CDH23: variants seen among roughly 807,000 people sequenced by gnomAD.
CDH23 encodes the protein cadherin related 23, also known as cadherin-23.
Under a neutral mutation model 317.1 loss-of-function variants are expected in CDH23, and 189 were observed. The ratio of observed to expected loss-of-function variants is 0.60; its 90% confidence interval spans 0.53 to 0.67. CDH23 has a LOEUF of 0.67. Among genes scored for constraint, CDH23 ranks in the 30% least tolerant of loss-of-function variants. CDH23 has a pLI of 0.00. For synonymous variants in CDH23, 1,839 were observed against 1,876.8 expected (o/e 0.98, Z 0.52); for missense variants, 4,401 against 4,592.4 (o/e 0.96, Z 1.20).
At chr10:71,733,424 G>A (rs1363774493) in intron 32 of CDH23, among the ~76,000 whole-genome samples, 3 of 152,188 alleles carry the variant, frequency 2.0e-5, no homozygotes, top group Admixed American at 6.5e-5. Flanking sequence ...AGTAAAGGGT[G>A]TAGAGGCAGG....
chr10:71,753,018 C>T, intron 38 of CDH23: 1 of 1,611,986 alleles, frequency 6.2e-7, no homozygotes. Flanking sequence ...GACAGACAGA[C>T]AGAGAAGCTG....
chr10:71,723,928 C>A, intron 28 of CDH23, 117 bp from the exon 29 acceptor site: 1 of 1,168,454 alleles, frequency 8.6e-7, no homozygotes, highest in Non-Finnish European at 1.2e-6. Context: ...TGAGGGAGAC[C>A]ACAGGTTTTG....
At position 71,751,258 on chromosome 10, in the gene CDH23, T is replaced by C. The variant is rs150502804; in HGVS notation, c.4845+9337T>C. The C allele has an allele frequency of 4.3e-6, 7 of 1,609,674 alleles. No homozygotes were observed. In the African/African-American group the frequency reaches 9.4e-5, roughly 22 times the overall value. ...CCCACTGTCCCCCAGCTGGGCTAGA[T>C]GACCTCAAAGTTTGGAGAGTCAGGG... On this transcript the variant is annotated intron_variant, in intron 38 of 69. Coordinates refer to ENST00000224721, the MANE Select transcript of CDH23 (RefSeq NM_022124.6). The surrounding 1 kb of genome is among the most constrained non-coding windows in gnomAD (Gnocchi z 4.9).
chr10:71,576,462 G>A (rs1858205925), intron 8 of CDH23, among the ~76,000 whole-genome samples: 1 of 152,138 alleles, frequency 6.6e-6, no homozygotes, highest in South Asian at 2.1e-4. Flanking sequence ...AAGAGCGCAG[G>A]GCATGCGTGT....
rs539814537 is a variant in CDH23 at position 71,674,526 on chromosome 10, A to C, written c.1450-586A>C. ...GGGCAGTGGTCTGGGAAGAGAGCAGAGGTCACATCTAGACCTCTGCATGGA... is the reference window on the plus strand; with the variant it reads ...GGGCAGTGGTCTGGGAAGAGAGCAGCGGTCACATCTAGACCTCTGCATGGA... On this transcript the variant is annotated intron_variant, in intron 14 of 69. Transcript: ENST00000224721. Among the ~76,000 whole-genome samples the C allele has an allele frequency of 4.0e-3, 614 of 152,318 alleles. 13 individuals carry two copies. The highest frequency in any genetic ancestry group is 2.1e-3 in the South Asian group (10 of 4,814).
At chr10:71,687,292 G>A (rs1172335898) in intron 18 of CDH23, among the ~76,000 whole-genome samples, 2 of 152,196 alleles carry the variant, frequency 1.3e-5, no homozygotes, top group South Asian at 2.1e-4. Flanking sequence ...GGGAGCTGGG[G>A]GTGTGAGTGC....
At position 71,810,589 on chromosome 10, in the gene CDH23, T is replaced by G. The variant is rs1690653771; in HGVS notation, c.9077+20T>G. ...GGACCGGTGAGTCGGGGCCTGTGTT[T>G]GGACTGTCAGCCTGTCTGTCTGCCT... On this transcript the variant is annotated intron_variant, in intron 62 of 69. Transcript: ENST00000224721. The G allele has an allele frequency of 6.2e-7, 1 of 1,611,162 alleles. No individual in the cohort carries two copies. The highest frequency in any genetic ancestry group is 1.3e-5 in the African/African-American group (1 of 74,994).
intron 38 of CDH23, chr10:71,755,174 A>C: frequency 1.4e-6 from 1 of 690,386 alleles, no homozygotes; most frequent in Non-Finnish European, 2.6e-6. Context: ...GGCCCCCGGA[A>C]ATGGCATGCC....
In CDH23 at chr10:71,702,196, G is replaced by C. The variant is rs181275139; in HGVS notation, c.2572G>C (p.Val858Leu). 1 of 1,613,742 alleles carries C rather than the reference G, an allele frequency of 6.2e-7. No individual in the cohort carries two copies. Among genetic ancestry groups the C allele is most frequent in the Non-Finnish European group, 8.5e-7 (1 of 1,179,858 alleles). The change falls in exon 23 of 70, where the codon GTC (valine) becomes CTC (leucine). Residue 858 changes from valine (V) to leucine (L), a missense_variant. Around this residue, in one of 3 missense-constraint regions of CDH23, gnomAD observed 3,068 missense variants for 3,203.3 expected, o/e 0.96. Coordinates refer to ENST00000224721, the MANE Select transcript of CDH23 (RefSeq NM_022124.6). ...GGCCGAGCTGATGCGCAAAATCGTC[G>C]TCTCTGTTACTGACTGTATGGACCC... ...HEAELMRKIVVSVTDCGRPPL... is the reference protein window; with the variant it reads ...HEAELMRKIVLSVTDCGRPPL...
intron 11 of CDH23, among the ~76,000 whole-genome samples, chr10:71,630,301 C>T (rs1861942102): frequency 6.6e-6 from 1 of 151,848 alleles, no homozygotes; most frequent in South Asian, 2.1e-4. Context: ...GGATTACTGG[C>T]GTGAGTCATC....
intron 6 of CDH23, among the ~76,000 whole-genome samples, chr10:71,526,430 T>A (rs1169484835): frequency 6.6e-6 from 1 of 152,160 alleles, no homozygotes; most frequent in African/African-American, 2.4e-5. Context: ...TCTCTATTTC[T>A]GAGGTGGGCG....
intron 47 of CDH23, 113 bp from the exon 48 acceptor site, chr10:71,793,069 T>C (rs1841305949): frequency 2.8e-6 from 2 of 710,612 alleles, no homozygotes; most frequent in African/African-American, 1.8e-5. Context: ...AAGAAAATGC[T>C]GTCAAGGCTG....
At chr10:71,491,106 C>T (rs947383131) in intron 3 of CDH23, among the ~76,000 whole-genome samples, 1 of 152,214 alleles carries the variant, frequency 6.6e-6, no homozygotes, top group Non-Finnish European at 1.5e-5. Flanking sequence ...CCAAATGCAT[C>T]GATTGGGTGC....
At chr10:71,672,888 G>C (rs185968147) in intron 14 of CDH23, among the ~76,000 whole-genome samples, 4 of 152,212 alleles carry the variant, frequency 2.6e-5, no homozygotes. Flanking sequence ...CCAGGGCTCA[G>C]ATGTGACCTT....
At chr10:71,773,319 C>G (rs1840730171) in intron 38 of CDH23, 1 of 1,567,548 alleles carries the variant, frequency 6.4e-7, no homozygotes, top group African/African-American at 1.4e-5. Context: ...GCTGTCTTCT[C>G]CCAGCTTTTT....
At chr10:71,489,878 C>CG (rs201251341) in intron 3 of CDH23, among the ~76,000 whole-genome samples, 2,062 of 152,262 alleles carry the variant, frequency 0.014, 46 homozygotes, top group African/African-American at 0.047. Context: ...TTAAGAGTCA[C>CG]GTTCCCCTCT....
intron 6 of CDH23, among the ~76,000 whole-genome samples, chr10:71,554,301 AT>A (rs1004942454): frequency 6.6e-6 from 1 of 151,614 alleles, no homozygotes; most frequent in African/African-American, 2.4e-5. Context: ...GGGCTCAAGC[AT>A]TCTTCCCATC....
intron 12 of CDH23, among the ~76,000 whole-genome samples, chr10:71,645,267 G>A (rs1185022117): frequency 6.6e-6 from 1 of 152,186 alleles, no homozygotes; most frequent in Non-Finnish European, 1.5e-5. Flanking sequence ...TGGGATCCCT[G>A]GCCATTCACA....
chr10:71,701,421 G>A (rs1264379984), intron 22 of CDH23, among the ~76,000 whole-genome samples: 2 of 152,170 alleles, frequency 1.3e-5, no homozygotes, highest in Non-Finnish European at 2.9e-5. Flanking sequence ...CCGCCCCTGG[G>A]TTAGGATGGC....
Sources: gnomAD v4.1 joint callset for allele counts (sites outside exome capture counted in the v4.1 genomes callset) on GRCh38, gnomAD v4.1.1 for gene constraint, gnomAD v4.1.1 regional missense constraint, Gnocchi (gnomAD v3.1) non-coding constraint, MANE v1.5 for transcripts, NCBI Gene and HGNC (gene_info 2026-07-23, HGNC 2026-07-21) for gene names.